The following PCCB variants were observed in gnomAD, a reference collection of about 807,000 sequenced individuals.
The protein encoded by PCCB is propionyl-CoA carboxylase subunit beta.
A neutral mutation model predicts 60.7 loss-of-function variants in PCCB; 43 were observed. The observed-to-expected ratio is 0.71, with a 90% CI of 0.55 to 0.91. The LOEUF is 0.91. Among genes scored for constraint, PCCB ranks in the 40% least tolerant of loss-of-function variants. The pLI is 0.00. For synonymous variants in PCCB, 276 were observed against 255.9 expected (o/e 1.08, Z -0.75); for missense variants, 766 against 702.8 (o/e 1.09, Z -1.02).
intron 1 of PCCB, chr3:136,251,159 T>G (rs1202109434): frequency 3.5e-5 from 16 of 453,292 alleles, no homozygotes; most frequent in Non-Finnish European, 6.2e-5. Context: ...GCAGGTGGCC[T>G]TTCTGGGAGT....
At chr3:136,277,497 GT>G (rs1240023359) in intron 5 of PCCB, among the ~76,000 whole-genome samples, 2 of 151,946 alleles carry the variant, frequency 1.3e-5, no homozygotes, top group Non-Finnish European at 2.9e-5. Context: ...TCTGTCCTTT[GT>G]ATTAAGTAAC....
rs575142139 is a variant in PCCB, at chr3:136,279,260, A to G, written c.544-4577A>G. Among the ~76,000 whole-genome samples the G allele has an allele frequency of 1.6e-4, 24 of 152,330 alleles. No homozygotes were observed. In the South Asian group the frequency reaches 5.0e-3, roughly 32 times the overall value. On this transcript the variant is annotated intron_variant, in intron 5 of 14. Transcript: ENST00000251654. ...AATCTGTCAATCCCTGTCTTTTAAT[A>G]GAAGAGTTTAATCCATTTATACTTA... is the stretch of plus-strand genomic sequence containing the variant.
intron 9 of PCCB, 87 bp downstream of exon 9, chr3:136,301,198 C>A: frequency 9.7e-7 from 1 of 1,027,938 alleles, no homozygotes; most frequent in Non-Finnish European, 1.5e-6. Flanking sequence ...AGCACTGGAC[C>A]ACTTGGCCTC....
intron 8 of PCCB, among the ~76,000 whole-genome samples, chr3:136,299,909 CATGTATATGTATGCAT>C (rs1293599229): frequency 4.0e-5 from 6 of 151,020 alleles, no homozygotes; most frequent in Admixed American, 2.0e-4. Flanking sequence ...CATATGTATG[CATGTATATGTATGCAT>C]ATGTATATGT....
intron 6 of PCCB, among the ~76,000 whole-genome samples, chr3:136,284,150 G>T (rs1421741185): frequency 6.6e-6 from 1 of 152,204 alleles, no homozygotes; most frequent in African/African-American, 2.4e-5. Context: ...GGATGCTTAT[G>T]TACTTCATTG....
intron 9 of PCCB, among the ~76,000 whole-genome samples, chr3:136,310,416 G>T (rs9866840): frequency 6.6e-6 from 1 of 151,906 alleles, no homozygotes; most frequent in South Asian, 2.1e-4. Flanking sequence ...CCAGCTACTG[G>T]GGAGGCCAAG....
chr3:136,309,486 T>C (rs112945064), intron 9 of PCCB, among the ~76,000 whole-genome samples: 1,728 of 151,886 alleles, frequency 0.011, 30 homozygotes, highest in East Asian at 0.048. Flanking sequence ...GGAATAACCA[T>C]TGAAAAAGAA....
chr3:136,268,998 T>C (rs768479152), intron 5 of PCCB, among the ~76,000 whole-genome samples: 3 of 152,200 alleles, frequency 2.0e-5, no homozygotes, highest in Non-Finnish European at 4.4e-5. Context: ...TATTTCACTC[T>C]GGCCAGGTGC....
intron 9 of PCCB, among the ~76,000 whole-genome samples, chr3:136,315,551 T>C (rs1444780985): frequency 1.3e-5 from 2 of 151,090 alleles, no homozygotes; most frequent in East Asian, 3.9e-4. Flanking sequence ...AAATTGTGAA[T>C]TGGGCACAGT....
chr3:136,308,854 A>G (rs1446624760), intron 9 of PCCB, among the ~76,000 whole-genome samples: 4 of 152,218 alleles, frequency 2.6e-5, no homozygotes, highest in Non-Finnish European at 5.9e-5. Flanking sequence ...TAGAAACCAA[A>G]TGACAGAATT....
At chr3:136,288,142 T>C (rs1279425) in intron 6 of PCCB, among the ~76,000 whole-genome samples, 112,923 of 152,096 alleles carry the variant, frequency 0.74, 42,164 homozygotes, top group East Asian at 0.86. Flanking sequence ...AGTGCCTTTT[T>C]GTATGATTCC....
At chr3:136,308,969 G>C (rs768907379) in intron 9 of PCCB, among the ~76,000 whole-genome samples, 2 of 152,048 alleles carry the variant, frequency 1.3e-5, no homozygotes, top group Non-Finnish European at 2.9e-5. Flanking sequence ...AATCAGAGAA[G>C]GAAAATAAAC....
At position 136,260,377 on chromosome 3, in the gene PCCB, C is replaced by T. The variant is rs761884618; in HGVS notation, c.373-102C>T. ...ACAGGCATGAGCCACCACGCCTGGC[C>T]TAAAAACTTTTATCTGTGAATTTTC... On this transcript the variant is annotated intron_variant, in intron 3 of 14. Coordinates refer to ENST00000251654, the MANE Select transcript of PCCB (RefSeq NM_000532.5). 6.3e-5 allele frequency: 64 copies of T among 1,009,828 alleles called. 1 individual carries two copies. In the African/African-American group the frequency reaches 9.6e-4, roughly 15 times the overall value. 62.6% of individuals were successfully genotyped at this position (1,009,828 alleles called of 1,614,324 possible).
chr3:136,282,870 A>G (rs1426636647), intron 5 of PCCB, among the ~76,000 whole-genome samples: 1 of 152,126 alleles, frequency 6.6e-6, no homozygotes, highest in African/African-American at 2.4e-5. Context: ...TCTTATCTCA[A>G]GTTTAGTAGT....
At chr3:136,317,161 A>C in intron 10 of PCCB, 97 bp downstream of exon 10, 1 of 1,139,754 alleles carries the variant, frequency 8.8e-7, no homozygotes. Context: ...TTCTTCAGAC[A>C]TGGCCTTCCA....
intron 5 of PCCB, among the ~76,000 whole-genome samples, chr3:136,278,015 GA>G (rs1942378373): frequency 6.6e-6 from 1 of 152,152 alleles, no homozygotes; most frequent in African/African-American, 2.4e-5. Context: ...GAAATGGGGA[GA>G]TTCTTTCAAC....
chr3:136,266,409 G>T (rs939421788), intron 5 of PCCB, among the ~76,000 whole-genome samples: 1 of 152,120 alleles, frequency 6.6e-6, no homozygotes, highest in East Asian at 1.9e-4. Flanking sequence ...GATTACAGGC[G>T]TGAGCCACCG....
intron 9 of PCCB, among the ~76,000 whole-genome samples, chr3:136,309,025 G>A (rs1208721720): frequency 6.6e-6 from 1 of 152,106 alleles, no homozygotes; most frequent in African/African-American, 2.4e-5. Context: ...CACTTTGGGA[G>A]GCCGAGGCAG....
At chr3:136,262,656 A>G (rs1034406830) in intron 5 of PCCB, among the ~76,000 whole-genome samples, 21 of 152,214 alleles carry the variant, frequency 1.4e-4, no homozygotes, top group African/African-American at 5.1e-4. Context: ...AGATACAGTA[A>G]GAGGCTGGGA....
Sources: allele counts gnomAD v4.1 joint callset (sites outside exome capture counted in the v4.1 genomes callset), GRCh38; gene constraint gnomAD v4.1.1; transcripts MANE v1.5; gene names NCBI Gene and HGNC (gene_info 2026-07-23, HGNC 2026-07-21).